The following ADAM12 variants were observed in gnomAD, a reference collection of about 807,000 sequenced individuals.
The protein encoded by ADAM12 is ADAM metallopeptidase domain 12.
A neutral mutation model predicts 106.4 loss-of-function variants in ADAM12; 70 were observed. That is an observed-to-expected ratio of 0.66 (90% CI 0.54 to 0.80). ADAM12 has a LOEUF of 0.80. ADAM12 is among the 30% of genes least tolerant of loss of function. The pLI is 0.00. For synonymous variants in ADAM12, 420 were observed against 433.5 expected, an observed-to-expected ratio of 0.97 and a Z score of 0.39; for missense variants, 1,010 against 1,171.9, an observed-to-expected ratio of 0.86 and a Z score of 2.02.
intron 14 of ADAM12, among the ~76,000 whole-genome samples, chr10:126,050,540 A>G (rs544343560): frequency 6.6e-6 from 1 of 152,302 alleles, no homozygotes; most frequent in South Asian, 2.1e-4. Flanking sequence ...TTTATCTCAC[A>G]TCGCTTCTGA....
At chr10:126,259,092 G>A (rs971399073) in intron 3 of ADAM12, among the ~76,000 whole-genome samples, 1 of 152,028 alleles carries the variant, frequency 6.6e-6, no homozygotes, top group Non-Finnish European at 1.5e-5. Flanking sequence ...TGTAGTAAAT[G>A]GTTTTATGGA....
intron 3 of ADAM12, among the ~76,000 whole-genome samples, chr10:126,180,805 T>C (rs1422487953): frequency 2.0e-5 from 3 of 152,202 alleles, no homozygotes; most frequent in African/African-American, 7.2e-5. Flanking sequence ...TTTGTTGATT[T>C]TCACTTCCCA....
intron 3 of ADAM12, among the ~76,000 whole-genome samples, chr10:126,267,338 TC>T (rs1959117085): frequency 6.6e-6 from 1 of 152,172 alleles, no homozygotes; most frequent in South Asian, 2.1e-4. Context: ...TCAGGATGAT[TC>T]CAGCACATTG....
chr10:126,132,531 C>A (rs543039487), intron 5 of ADAM12, among the ~76,000 whole-genome samples: 16 of 140,080 alleles, frequency 1.1e-4, no homozygotes, highest in Admixed American at 2.8e-4. Context: ...AACACCCCCC[C>A]CCCCTCAACT....
At chr10:126,356,654 T>C (rs958247598) in intron 1 of ADAM12, among the ~76,000 whole-genome samples, 5 of 152,218 alleles carry the variant, frequency 3.3e-5, no homozygotes, top group African/African-American at 1.2e-4. Flanking sequence ...CAGAAATGGA[T>C]ATCTATAAAG....
intron 1 of ADAM12, among the ~76,000 whole-genome samples, chr10:126,368,123 ATG>A (rs1407238725): frequency 6.6e-6 from 1 of 151,870 alleles, no homozygotes; most frequent in Non-Finnish European, 1.5e-5. Context: ...ATATGTATGC[ATG>A]TGTGTATATA....
At chr10:126,267,061 C>G (rs7916636) in intron 3 of ADAM12, among the ~76,000 whole-genome samples, 52,813 of 151,922 alleles carry the variant, frequency 0.35, 9,392 homozygotes, top group South Asian at 0.48. Flanking sequence ...GAGGAGCTGA[C>G]GTGGCTTGTC....
chr10:126,046,605 C>G (rs1365467869), intron 16 of ADAM12, among the ~76,000 whole-genome samples: 1 of 151,398 alleles, frequency 6.6e-6, no homozygotes, highest in Non-Finnish European at 1.5e-5. Context: ...GAGATCGAGA[C>G]TCTCCTGGAA....
chr10:126,279,066 T>C, intron 2 of ADAM12, 78 bp from the exon 3 acceptor site: 1 of 1,074,762 alleles, frequency 9.3e-7, no homozygotes, highest in Non-Finnish European at 1.4e-6. Flanking sequence ...CCCACAGGCG[T>C]AGTCAAATGA....
chr10:126,059,526 C>T (rs1396280789), intron 14 of ADAM12, among the ~76,000 whole-genome samples: 1 of 152,162 alleles, frequency 6.6e-6, no homozygotes, highest in Non-Finnish European at 1.5e-5. Context: ...GCAAAAATCT[C>T]TTTTTTTCCC....
intron 3 of ADAM12, among the ~76,000 whole-genome samples, chr10:126,190,499 C>T (rs569453310): frequency 3.8e-4 from 58 of 152,234 alleles, no homozygotes; most frequent in African/African-American, 1.3e-3. Flanking sequence ...AGACACCACA[C>T]CCGGCCCCAA....
At chr10:126,114,798 A>G (rs544581835) in intron 6 of ADAM12, among the ~76,000 whole-genome samples, 38 of 152,330 alleles carry the variant, frequency 2.5e-4, no homozygotes, top group Admixed American at 8.5e-4. Flanking sequence ...CAACTAAGGT[A>G]GTAAAAGAAC....
intron 6 of ADAM12, 123 bp downstream of exon 6, chr10:126,117,915 C>A: frequency 1.8e-6 from 2 of 1,098,862 alleles, no homozygotes; most frequent in Admixed American, 2.0e-5. Context: ...ATAAACTGGG[C>A]ACTTCCATCC....
chr10:126,324,895 G>A (rs1466243810), intron 2 of ADAM12, among the ~76,000 whole-genome samples: 1 of 151,914 alleles, frequency 6.6e-6, no homozygotes, highest in East Asian at 1.9e-4. Context: ...GATGACAAAA[G>A]CCGAAGTTAT....
At chr10:126,351,408 A>G (rs1855353717) in intron 1 of ADAM12, among the ~76,000 whole-genome samples, 1 of 151,986 alleles carries the variant, frequency 6.6e-6, no homozygotes, top group African/African-American at 2.4e-5. Context: ...ACTACAATGG[A>G]TCCCTGTCTG....
At chr10:126,061,696 C>T (rs12249236) in intron 14 of ADAM12, among the ~76,000 whole-genome samples, 20,106 of 151,906 alleles carry the variant, frequency 0.13, 1,504 homozygotes, top group African/African-American at 0.2. Context: ...CTGTTGGCCT[C>T]GAAGATGGAG....
chr10:126,104,448 TAAA>T (rs541719234), intron 8 of ADAM12, among the ~76,000 whole-genome samples: 2 of 100,734 alleles, frequency 2.0e-5, no homozygotes, highest in Non-Finnish European at 4.2e-5. Context: ...AGACTCTGTC[TAAA>T]AAAAAAAAAA....
At chr10:126,364,672 C>T (rs1445696111) in intron 1 of ADAM12, among the ~76,000 whole-genome samples, 1 of 152,010 alleles carries the variant, frequency 6.6e-6, no homozygotes, top group East Asian at 1.9e-4. Flanking sequence ...ATATAAACAG[C>T]TCTTAACAAA....
chr10:126,105,076 G>C (rs919789622), intron 8 of ADAM12, among the ~76,000 whole-genome samples: 2 of 152,156 alleles, frequency 1.3e-5, no homozygotes, highest in African/African-American at 2.4e-5. Flanking sequence ...TCAGGGCCAG[G>C]GGTAGCTGTG....
Sources: allele counts gnomAD v4.1 joint callset (sites outside exome capture counted in the v4.1 genomes callset), GRCh38; gene constraint gnomAD v4.1.1; transcripts MANE v1.5; gene names NCBI Gene and HGNC (gene_info 2026-07-23, HGNC 2026-07-21).